The following LRRIQ1 variants were observed in gnomAD, a reference collection of about 807,000 sequenced individuals.
LRRIQ1 encodes the protein leucine-rich repeat- and IQ domain-containing protein 1.
A neutral mutation model predicts 211.9 loss-of-function variants in LRRIQ1; 210 were observed. That is an observed-to-expected ratio of 0.99 (90% CI 0.89 to 1.11). LRRIQ1 has a LOEUF of 1.11. Among genes scored for constraint, LRRIQ1 ranks in the 50% most tolerant of loss-of-function variants. The probability of loss-of-function intolerance (pLI) is 0.00; values close to 1 mark genes in which losing one functional copy is unlikely to be tolerated. For synonymous variants in LRRIQ1, 699 were observed against 650.1 expected (o/e 1.08, Z -1.14); for missense variants, 2,136 against 1,939.5 (o/e 1.10, Z -1.90).
At chr12:85,111,625 G>C (rs1300163609) in intron 15 of LRRIQ1, among the ~76,000 whole-genome samples, 1 of 152,078 alleles carries the variant, frequency 6.6e-6, no homozygotes, top group Non-Finnish European at 1.5e-5. Flanking sequence ...TTTTTAGTGA[G>C]CAATAGAGAA....
chr12:85,261,876 C>T (rs556704934), intron 1 of LRRIQ1, among the ~76,000 whole-genome samples: 8 of 151,930 alleles, frequency 5.3e-5, no homozygotes, highest in Admixed American at 2.6e-4. Context: ...CGCAACCCTC[C>T]GCCTCCCAGG....
chr12:85,093,361 C>G (rs375239333), intron 11 of LRRIQ1, among the ~76,000 whole-genome samples: 16 of 152,210 alleles, frequency 1.1e-4, no homozygotes, highest in East Asian at 9.7e-4. Context: ...CTGGCTAGCT[C>G]AAAAATGTCA....
intron 1 of LRRIQ1, among the ~76,000 whole-genome samples, chr12:85,255,651 A>G (rs1165931943): frequency 6.6e-6 from 1 of 151,782 alleles, no homozygotes; most frequent in Admixed American, 6.6e-5. Flanking sequence ...CTTTATGGCC[A>G]GCAAGAGTTA....
downstream of LRRIQ1, among the ~76,000 whole-genome samples, chr12:85,249,802 A>G (rs769147788): frequency 1.3e-5 from 2 of 151,926 alleles, no homozygotes; most frequent in Non-Finnish European, 2.9e-5. Context: ...AGATTAATAA[A>G]TTGTTGCAGA....
chr12:85,155,319 C>G (rs993372547), intron 23 of LRRIQ1, among the ~76,000 whole-genome samples: 4 of 151,488 alleles, frequency 2.6e-5, no homozygotes, highest in African/African-American at 9.7e-5. Flanking sequence ...ACCTCCTGCA[C>G]TCTCATTTTG....
intron 26 of LRRIQ1, among the ~76,000 whole-genome samples, chr12:85,241,343 C>G (rs1006218896): frequency 1.3e-5 from 2 of 151,850 alleles, no homozygotes; most frequent in African/African-American, 2.4e-5. Context: ...AACAAGACAT[C>G]TGTCTTATTA....
chr12:85,036,852 T>A (rs1878171981), intron 1 of LRRIQ1, among the ~76,000 whole-genome samples: 1 of 152,104 alleles, frequency 6.6e-6, no homozygotes, highest in African/African-American at 2.4e-5. Context: ...TTTTCTACTT[T>A]TGACAGCTTT....
At chr12:85,120,786 C>T (rs2136418535) in intron 15 of LRRIQ1, among the ~76,000 whole-genome samples, 1 of 152,280 alleles carries the variant, frequency 6.6e-6, no homozygotes, top group South Asian at 2.1e-4. Context: ...AAGGAGTTCA[C>T]TTTTCCCCTG....
chr12:85,179,531 T>C (rs1891878471), intron 24 of LRRIQ1, among the ~76,000 whole-genome samples: 1 of 151,990 alleles, frequency 6.6e-6, no homozygotes, highest in East Asian at 1.9e-4. Flanking sequence ...CTAGGAACAA[T>C]AAGTGAAGGG....
chr12:85,091,606 G>A (rs953168024), intron 11 of LRRIQ1, among the ~76,000 whole-genome samples: 1 of 151,986 alleles, frequency 6.6e-6, no homozygotes, highest in Non-Finnish European at 1.5e-5. Context: ...GTGGTCCCTA[G>A]GTTTTCTCCT....
chr12:85,058,714 C>T (rs1881427540), intron 8 of LRRIQ1, among the ~76,000 whole-genome samples: 1 of 151,946 alleles, frequency 6.6e-6, no homozygotes, highest in South Asian at 2.1e-4. Context: ...TAGAGCAAGG[C>T]CTGGCAAACT....
At chr12:85,095,176 A>G (rs1262807940) in intron 11 of LRRIQ1, among the ~76,000 whole-genome samples, 1 of 152,142 alleles carries the variant, frequency 6.6e-6, no homozygotes, top group Non-Finnish European at 1.5e-5. Context: ...GATAGTGGAC[A>G]TCCTTGTCTT....
In LRRIQ1 at chr12:85,066,758, T is replaced by C. The variant is rs1256142350; in HGVS notation, c.2555T>C (p.Ile852Thr). The C allele has an allele frequency of 4.4e-6, 7 of 1,586,856 alleles. No homozygotes were observed. The highest frequency in any genetic ancestry group is 6.0e-6 in the Non-Finnish European group (7 of 1,169,716). Residue 852 changes from isoleucine (I) to threonine (T), a missense_variant, in exon 10 of 27, where the codon ATT becomes ACT. By Grantham distance (89) the Ile-to-Thr change is moderately conservative (BLOSUM62 -1). Transcript: ENST00000393217. ...LKYIDAQENH[I>T]EAIECENLEN... is the part of the protein sequence containing the mutation. Reference sequence around the variant, plus strand: ...TGTTCTTTGCTTCAGGAAAACCATATTGAGGCTATTGAGTGTGAAAATTTG... The same window carrying C: ...TGTTCTTTGCTTCAGGAAAACCATACTGAGGCTATTGAGTGTGAAAATTTG...
At position 85,055,624 on chromosome 12, in the gene LRRIQ1, T is replaced by A; in HGVS notation, c.831T>A (p.Asn277Lys). ...RFKDQQEKEK[N>K]SLLKQQNNAA... ...AAGACCAACAAGAAAAAGAAAAAAA[T>A]TCTTTGTTAAAACAGCAGAATAATG... Residue 277 changes from asparagine (N) to lysine (K), a missense_variant, in exon 8 of 27, where the codon AAT becomes AAA. Physicochemically the swap from Asn to Lys is moderately conservative, Grantham distance 94. Transcript: ENST00000393217. 4.5e-6 allele frequency: 7 copies of A among 1,570,998 alleles called. No individual in the cohort carries two copies. Among genetic ancestry groups the A allele is most frequent in the Non-Finnish European group, 6.0e-6 (7 of 1,166,734 alleles).
intron 15 of LRRIQ1, among the ~76,000 whole-genome samples, chr12:85,112,995 G>C (rs942003212): frequency 6.6e-6 from 1 of 151,990 alleles, no homozygotes; most frequent in Non-Finnish European, 1.5e-5. Context: ...TTCATTTATT[G>C]GGGAAAGGAT....
At chr12:85,204,840 A>G (rs929124455) in intron 24 of LRRIQ1, among the ~76,000 whole-genome samples, 4 of 152,138 alleles carry the variant, frequency 2.6e-5, no homozygotes, top group Non-Finnish European at 5.9e-5. Flanking sequence ...TTTTGAGTTA[A>G]TTCTGAAATG....
intron 24 of LRRIQ1, among the ~76,000 whole-genome samples, chr12:85,163,052 G>A (rs1229087570): frequency 6.6e-6 from 1 of 152,106 alleles, no homozygotes; most frequent in African/African-American, 2.4e-5. Flanking sequence ...GTCTTTAACT[G>A]CTGCTCTGGA....
Position 85,153,723 on chromosome 12 carries a change from A to G in LRRIQ1, c.4602A>G (p.Leu1534=). The change falls in exon 22 of 27, where the codon CTA becomes CTG. Residue 1534 remains leucine, a synonymous_variant. Coordinates refer to ENST00000393217, the MANE Select transcript of LRRIQ1 (RefSeq NM_001079910.2). ...PESKTSRKSL[L]KSEKEKKISE... is the part of the protein sequence containing the mutation. ...CAAAGACCAGTAGAAAGAGTTTGCT[A>G]AAATCTGAAAAAGAAAAAAAAATTT... 1 of 1,578,594 alleles carries G rather than the reference A, an allele frequency of 6.3e-7. No homozygotes were observed. The highest frequency in any genetic ancestry group is 8.6e-7 in the Non-Finnish European group (1 of 1,164,616).
intron 11 of LRRIQ1, among the ~76,000 whole-genome samples, chr12:85,081,062 C>G (rs1298451913): frequency 6.6e-6 from 1 of 152,038 alleles, no homozygotes; most frequent in Non-Finnish European, 1.5e-5. Flanking sequence ...AGAACCCTTT[C>G]TGTATTTGAA....
Sources: allele counts gnomAD v4.1 joint callset (sites outside exome capture counted in the v4.1 genomes callset), GRCh38; gene constraint gnomAD v4.1.1; transcripts MANE v1.5; gene names NCBI Gene and HGNC (gene_info 2026-07-23, HGNC 2026-07-21).